Variants in CLVS1 observed in about 807,000 individuals in gnomAD.
The protein encoded by CLVS1 is clavesin-1.
In CLVS1, 10 loss-of-function variants were observed where a neutral mutation model predicts 33.1. The ratio of observed to expected loss-of-function variants is 0.30; its 90% CI spans 0.19 to 0.51. The LOEUF (loss-of-function observed/expected upper bound fraction) is 0.51, where lower values mean the gene tolerates loss of function less well. Among genes scored for constraint, CLVS1 ranks in the 20% least tolerant of loss-of-function variants. The pLI is 0.97. For missense variants in CLVS1, 343 were observed against 433.4 expected (o/e 0.79, Z 1.85); for synonymous variants, 163 against 166.1 (o/e 0.98, Z 0.14).
intron 5 of CLVS1, among the ~76,000 whole-genome samples, chr8:61,478,697 G>C (rs1434465229): frequency 6.6e-6 from 1 of 151,756 alleles, no homozygotes; most frequent in Non-Finnish European, 1.5e-5. Context: ...CCTTTATTTT[G>C]AGCCTATGTT....
chr8:61,193,646 CAA>C (rs1215858332), intron 2 of CLVS1, among the ~76,000 whole-genome samples: 1 of 151,940 alleles, frequency 6.6e-6, no homozygotes, highest in Non-Finnish European at 1.5e-5. Flanking sequence ...AAATTTTCTA[CAA>C]AGTTTTCTAC....
chr8:61,299,268 A>AT (rs1810340612), intron 1 of CLVS1, among the ~76,000 whole-genome samples: 1 of 152,120 alleles, frequency 6.6e-6, no homozygotes. Context: ...GGGAAGCAAA[A>AT]TTTTACCATA....
chr8:61,129,679 G>A (rs1806049657), intron 1 of CLVS1, among the ~76,000 whole-genome samples: 1 of 152,124 alleles, frequency 6.6e-6, no homozygotes, highest in African/African-American at 2.4e-5. Flanking sequence ...TGGTGGAAGG[G>A]AAGACCAAGC....
At chr8:61,298,790 T>A (rs1810315907) in intron 1 of CLVS1, among the ~76,000 whole-genome samples, 1 of 152,192 alleles carries the variant, frequency 6.6e-6, no homozygotes, top group South Asian at 2.1e-4. Flanking sequence ...TGTTCCTCTG[T>A]ATACCATTTT....
At chr8:61,100,527 T>C (rs766339225) in intron 1 of CLVS1, among the ~76,000 whole-genome samples, 25 of 152,208 alleles carry the variant, frequency 1.6e-4, no homozygotes, top group Non-Finnish European at 3.5e-4. Flanking sequence ...CTTTTAAAAA[T>C]TGTTCTTCCC....
rs542006499 is a variant in CLVS1 at position 61,085,964 on chromosome 8, A to G, written c.-243+28734A>G. ...TGCAGCAGAATGGCGTGAACCGTGG[A>G]GGCGGAGCTTGCAGTGAGCCGAGAT... is the stretch of plus-strand genomic sequence containing the variant. On this transcript the variant is annotated intron_variant, in intron 1 of 2. Transcript: ENST00000522621. 5.0e-3 allele frequency among the ~76,000 whole-genome samples: 669 copies of G among 133,720 alleles called. 7 individuals carry two copies. Among genetic ancestry groups the G allele is most frequent in the Middle Eastern group, 0.02 (5 of 256 alleles). 87.7% of individuals were successfully genotyped at this position (133,720 alleles called of 152,430 possible). A position where few individuals can be genotyped will look rare whatever the true frequency, so the allele number is the denominator to read the frequency against.
chr8:61,182,658 T>C (rs1012720111), intron 2 of CLVS1, among the ~76,000 whole-genome samples: 4 of 152,092 alleles, frequency 2.6e-5, no homozygotes, highest in African/African-American at 9.7e-5. Context: ...ACAATGACGA[T>C]TATTAAAAAG....
intron 5 of CLVS1, among the ~76,000 whole-genome samples, chr8:61,477,906 G>T (rs543888459): frequency 6.6e-6 from 1 of 152,266 alleles, no homozygotes; most frequent in African/African-American, 2.4e-5. Context: ...GTCAATTTTA[G>T]ATCTTTTCTG....
chr8:61,210,734 G>T (rs2129307166), intron 2 of CLVS1, among the ~76,000 whole-genome samples: 1 of 152,304 alleles, frequency 6.6e-6, no homozygotes, highest in South Asian at 2.1e-4. Context: ...CTGAACTATG[G>T]ACACCGTAAG....
chr8:61,343,147 G>A (rs1686767913), intron 2 of CLVS1, among the ~76,000 whole-genome samples: 1 of 152,220 alleles, frequency 6.6e-6, no homozygotes, highest in Non-Finnish European at 1.5e-5. Flanking sequence ...GGTACAGCAT[G>A]ATTCTGTTAA....
At chr8:60,980,129 A>T in the CLVS1 span, among the ~76,000 whole-genome samples, 4 of 152,202 alleles carry the variant, frequency 2.6e-5, no homozygotes, top group Non-Finnish European at 5.9e-5. Context: ...TTCAGGGCTC[A>T]AGAACTGCAC....
At chr8:61,204,650 T>C (rs1331444486) in intron 2 of CLVS1, among the ~76,000 whole-genome samples, 1 of 152,196 alleles carries the variant, frequency 6.6e-6, no homozygotes, top group Non-Finnish European at 1.5e-5. Flanking sequence ...ACAAAATAAA[T>C]GTTAAGTGCT....
At chr8:61,314,643 A>G (rs921951903) in intron 2 of CLVS1, among the ~76,000 whole-genome samples, 4 of 152,186 alleles carry the variant, frequency 2.6e-5, no homozygotes, top group Non-Finnish European at 5.9e-5. Flanking sequence ...AATTTAAATG[A>G]TTATACCCTG....
chr8:61,299,791 G>A lies in CLVS1; in HGVS notation c.-37G>A. 6.6e-7 allele frequency: 1 copy of A among 1,515,174 alleles called. No individual in the cohort carries two copies. The highest frequency in any genetic ancestry group is 9.0e-7 in the Non-Finnish European group (1 of 1,107,086). The allele number at this position is 1,515,174 out of a possible 1,614,324, so 93.9% of individuals were successfully genotyped here. The stretch of plus-strand genomic sequence containing the variant: ...CGGGGCAGCCTGGTAGTAAAACACT[G>A]TTGAATGGGCCACAGTTTCAGCAGA... On this transcript the variant is annotated 5_prime_UTR_variant, in exon 2 of 6. Coordinates refer to ENST00000325897, the MANE Select transcript of CLVS1 (RefSeq NM_173519.3).
At chr8:61,242,706 C>A (rs190776321) in intron 2 of CLVS1, among the ~76,000 whole-genome samples, 1 of 151,896 alleles carries the variant, frequency 6.6e-6, no homozygotes, top group South Asian at 2.1e-4. Flanking sequence ...AGGAGGATTG[C>A]TTGAGCCTGG....
intron 5 of CLVS1, among the ~76,000 whole-genome samples, chr8:61,483,076 A>G (rs1209809325): frequency 6.6e-6 from 1 of 152,214 alleles, no homozygotes; most frequent in South Asian, 2.1e-4. Flanking sequence ...GCAGAAGGCA[A>G]GAAATAACTA....
chr8:61,170,702 G>A (rs141836380), intron 2 of CLVS1, among the ~76,000 whole-genome samples: 73 of 152,308 alleles, frequency 4.8e-4, no homozygotes, highest in Middle Eastern at 3.4e-3. Context: ...TAGAACTGAT[G>A]TGAGAACCTC....
chr8:61,182,633 C>T (rs533713849), intron 2 of CLVS1, among the ~76,000 whole-genome samples: 8 of 152,248 alleles, frequency 5.3e-5, no homozygotes, highest in Non-Finnish European at 8.8e-5. Context: ...AGCGAGATAC[C>T]GTCTCACGTC....
chr8:61,262,748 A>G (rs919790570), intron 2 of CLVS1, among the ~76,000 whole-genome samples: 1 of 152,144 alleles, frequency 6.6e-6, no homozygotes, highest in Non-Finnish European at 1.5e-5. Flanking sequence ...CAGAGTGCAC[A>G]GTGACAGGGT....
Sources: gnomAD v4.1 joint callset for allele counts (sites outside exome capture counted in the v4.1 genomes callset) on GRCh38, gnomAD v4.1.1 for gene constraint, MANE v1.5 for transcripts, NCBI Gene and HGNC (gene_info 2026-07-23, HGNC 2026-07-21) for gene names.